The following CNTLN variants were observed in gnomAD, a reference collection of about 807,000 sequenced individuals.
CNTLN encodes centlein, centrosomal protein.
A neutral mutation model predicts 180.0 loss-of-function variants in CNTLN; 212 were observed. The observed-to-expected ratio is 1.18, with a 90% CI of 1.05 to 1.32. The LOEUF (loss-of-function observed/expected upper bound fraction) is 1.32. Among genes scored for constraint, CNTLN ranks in the 40% most tolerant of loss-of-function variants. CNTLN has a pLI of 0.00. For synonymous variants in CNTLN, 722 were observed against 563.1 expected, an observed-to-expected ratio of 1.28 and a Z score of -3.99; for missense variants, 2,095 against 1,610.9, an observed-to-expected ratio of 1.30 and a Z score of -5.14.
intron 1 of CNTLN, among the ~76,000 whole-genome samples, chr9:17,141,103 A>ATATT (rs1254999017): frequency 6.6e-6 from 1 of 152,198 alleles, no homozygotes; most frequent in Non-Finnish European, 1.5e-5. Context: ...AACAGCACTT[A>ATATT]TATTTCATTG....
chr9:17,318,101 C>G (rs764710474), intron 8 of CNTLN, among the ~76,000 whole-genome samples: 1 of 151,022 alleles, frequency 6.6e-6, no homozygotes. Context: ...AATCTCAGCT[C>G]ACTGCAAGCT....
intron 8 of CNTLN, among the ~76,000 whole-genome samples, chr9:17,317,690 G>T (rs1819621613): frequency 6.6e-6 from 1 of 152,116 alleles, no homozygotes; most frequent in African/African-American, 2.4e-5. Flanking sequence ...GGTGACATTA[G>T]AAAAGAAATA....
intron 12 of CNTLN, among the ~76,000 whole-genome samples, chr9:17,349,841 A>G (rs866211259): frequency 5.3e-5 from 8 of 152,210 alleles, no homozygotes; most frequent in African/African-American, 1.9e-4. Flanking sequence ...TATTTTAACA[A>G]TATAATTCAG....
chr9:17,374,367 T>C (rs1824578106), intron 13 of CNTLN, among the ~76,000 whole-genome samples: 1 of 152,178 alleles, frequency 6.6e-6, no homozygotes, highest in African/African-American at 2.4e-5. Context: ...ATGAAAATGC[T>C]CAACATTATT....
chr9:17,482,776 G>C (rs1178878178), intron 23 of CNTLN, among the ~76,000 whole-genome samples: 2 of 152,218 alleles, frequency 1.3e-5, no homozygotes, highest in Non-Finnish European at 2.9e-5. Context: ...AGAATAGAAA[G>C]TTCAGACACT....
intron 10 of CNTLN, among the ~76,000 whole-genome samples, chr9:17,338,242 G>T (rs1821192469): frequency 6.7e-6 from 1 of 148,918 alleles, no homozygotes; most frequent in Admixed American, 6.7e-5. Context: ...TTTGCTCACT[G>T]CAACCTCTGC....
At chr9:17,239,864 G>A (rs1188210898) in intron 5 of CNTLN, among the ~76,000 whole-genome samples, 1 of 152,110 alleles carries the variant, frequency 6.6e-6, no homozygotes, top group East Asian at 1.9e-4. Flanking sequence ...TTTCTTGGAT[G>A]TTGCAGATTT....
intron 13 of CNTLN, 132 bp downstream of exon 13, chr9:17,366,849 C>A: frequency 1.8e-6 from 1 of 544,364 alleles, no homozygotes; most frequent in Admixed American, 3.8e-5. Context: ...ATTGATAACT[C>A]ACTAACATTT....
At chr9:17,429,665 G>A (rs1013327766) in intron 18 of CNTLN, among the ~76,000 whole-genome samples, 3 of 151,894 alleles carry the variant, frequency 2.0e-5, no homozygotes, top group Admixed American at 6.6e-5. Flanking sequence ...AAGAGACCGC[G>A]TGGGTAAATG....
intron 13 of CNTLN, among the ~76,000 whole-genome samples, chr9:17,370,495 C>T (rs549793871): frequency 1.3e-5 from 2 of 152,232 alleles, no homozygotes; most frequent in East Asian, 1.9e-4. Context: ...AGGAGAAATG[C>T]TTTGACAGGC....
intron 16 of CNTLN, among the ~76,000 whole-genome samples, chr9:17,414,831 C>T (rs1828105128): frequency 6.6e-6 from 1 of 152,138 alleles, no homozygotes; most frequent in African/African-American, 2.4e-5. Context: ...GGCTCACGCC[C>T]ATAATCCCAA....
At chr9:17,500,263 T>C (rs1350198741) in intron 25 of CNTLN, among the ~76,000 whole-genome samples, 1 of 152,228 alleles carries the variant, frequency 6.6e-6, no homozygotes, top group African/African-American at 2.4e-5. Flanking sequence ...GAGTTGGTAA[T>C]AAATTCGTAA....
chr9:17,443,718 G>T (rs1830240847), intron 18 of CNTLN, among the ~76,000 whole-genome samples: 1 of 152,084 alleles, frequency 6.6e-6, no homozygotes, highest in Admixed American at 6.6e-5. Flanking sequence ...CATTAAAAAT[G>T]AAGAAGGAAA....
chr9:17,417,971 T>C (rs1330382638), intron 18 of CNTLN, among the ~76,000 whole-genome samples: 1 of 152,062 alleles, frequency 6.6e-6, no homozygotes. Context: ...ATAGTATAGA[T>C]GATCAAATGA....
In CNTLN at chr9:17,322,052, C is replaced by T. The variant is rs113696375; in HGVS notation, c.1342-8580C>T. On this transcript the variant is annotated intron_variant, in intron 8 of 25. Coordinates refer to ENST00000380647, the MANE Select transcript of CNTLN (RefSeq NM_017738.4). Reference sequence around the variant, plus strand: ...TGAAAAGTTGACTTGATTTATTCTTCAGCATTATTGTAAATGAAAACTGCC... The same window carrying T: ...TGAAAAGTTGACTTGATTTATTCTTTAGCATTATTGTAAATGAAAACTGCC... Among the ~76,000 whole-genome samples, 331 of 152,148 alleles carry T rather than the reference C, an allele frequency of 2.2e-3. 1 individual carries two copies. The highest frequency in any genetic ancestry group is 7.6e-3 in the African/African-American group (315 of 41,544).
At chr9:17,160,800 G>A (rs1289030615) in intron 2 of CNTLN, among the ~76,000 whole-genome samples, 1 of 152,140 alleles carries the variant, frequency 6.6e-6, no homozygotes, top group Non-Finnish European at 1.5e-5. Context: ...GATGCCTAGA[G>A]GATACCTCAT....
At chr9:17,515,208 C>G in the CNTLN span, among the ~76,000 whole-genome samples, 6 of 152,122 alleles carry the variant, frequency 3.9e-5, no homozygotes, top group African/African-American at 7.2e-5. Context: ...CCTGTCTTCA[C>G]TTTGCTTCTT....
At chr9:17,186,572 A>G (rs936931242) in intron 2 of CNTLN, among the ~76,000 whole-genome samples, 1 of 152,122 alleles carries the variant, frequency 6.6e-6, no homozygotes. Flanking sequence ...GTAGGTGCTC[A>G]CTTCTCTATC....
intron 2 of CNTLN, among the ~76,000 whole-genome samples, chr9:17,216,014 C>G (rs936913911): frequency 1.3e-5 from 2 of 152,110 alleles, no homozygotes; most frequent in Admixed American, 6.5e-5. Context: ...TGAGGCAGTG[C>G]CTCACCCTGC....
Sources: gnomAD v4.1 joint callset for allele counts (sites outside exome capture counted in the v4.1 genomes callset) on GRCh38, gnomAD v4.1.1 for gene constraint, MANE v1.5 for transcripts, NCBI Gene and HGNC (gene_info 2026-07-23, HGNC 2026-07-21) for gene names.